TENM2: variants seen among roughly 807,000 people sequenced by gnomAD.
TENM2 encodes teneurin-2.
A neutral mutation model predicts 245.2 loss-of-function variants in TENM2; 52 were observed. The observed-to-expected ratio is 0.21, with a 90% CI of 0.17 to 0.27. TENM2 has a LOEUF of 0.27. TENM2 is among the 10% of genes least tolerant of loss of function. The pLI is 1.00. For missense variants in TENM2, 3,046 were observed against 3,666.8 expected (o/e 0.83, Z 4.37); for synonymous variants, 1,363 against 1,438.9 (o/e 0.95, Z 1.19).
intron 1 of TENM2, among the ~76,000 whole-genome samples, chr5:167,314,177 T>C (rs1052450795): frequency 2.6e-5 from 4 of 152,354 alleles, no homozygotes; most frequent in Non-Finnish European, 5.9e-5. Context: ...ATCTCTTTTT[T>C]AGGTTTTTCC....
intron 2 of TENM2, among the ~76,000 whole-genome samples, chr5:167,682,727 T>C (rs1005481272): frequency 4.6e-5 from 7 of 152,102 alleles, no homozygotes; most frequent in African/African-American, 7.2e-5. Context: ...CTGCGTGGCT[T>C]GGTTCCCAAC....
intron 2 of TENM2, among the ~76,000 whole-genome samples, chr5:167,551,509 C>T (rs887215754): frequency 2.0e-5 from 3 of 152,142 alleles, no homozygotes; most frequent in African/African-American, 7.2e-5. Context: ...ACACTAAACT[C>T]ATGAGCAAAT....
intron 8 of TENM2, among the ~76,000 whole-genome samples, chr5:168,091,485 A>T (rs1176699429): frequency 6.6e-6 from 1 of 152,218 alleles, no homozygotes; most frequent in Non-Finnish European, 1.5e-5. Flanking sequence ...AAGTTTTTCT[A>T]CCACAAACCT....
the TENM2 span, among the ~76,000 whole-genome samples, chr5:167,206,972 A>T: frequency 1.3e-5 from 2 of 152,188 alleles, no homozygotes; most frequent in African/African-American, 4.8e-5. Flanking sequence ...GATTTAAAAT[A>T]AGACAATTTC....
intron 2 of TENM2, among the ~76,000 whole-genome samples, chr5:167,594,977 A>C (rs1776105295): frequency 6.6e-6 from 1 of 152,206 alleles, no homozygotes. Flanking sequence ...AATGTTTCCA[A>C]ATCTTCTAAT....
chr5:167,215,675 G>A, the TENM2 span, among the ~76,000 whole-genome samples: 1 of 152,186 alleles, frequency 6.6e-6, no homozygotes, highest in Admixed American at 6.5e-5. Context: ...AAGGAATAGA[G>A]ACCTGAAGAG....
At chr5:167,434,908 T>C (rs910235287) in intron 2 of TENM2, among the ~76,000 whole-genome samples, 4 of 152,210 alleles carry the variant, frequency 2.6e-5, no homozygotes, top group African/African-American at 9.6e-5. Context: ...CAGATGTAGA[T>C]TAGTTATTGA....
At chr5:167,341,387 T>C (rs915858563) in intron 1 of TENM2, among the ~76,000 whole-genome samples, 11 of 152,210 alleles carry the variant, frequency 7.2e-5, no homozygotes, top group Non-Finnish European at 1.5e-4. Flanking sequence ...ACAGGCAAAG[T>C]TTATCCATAG....
chr5:167,268,973 A>G, the TENM2 span, among the ~76,000 whole-genome samples: 1 of 151,944 alleles, frequency 6.6e-6, no homozygotes, highest in Non-Finnish European at 1.5e-5. Flanking sequence ...TTGATTTCAC[A>G]TTGTTTCAGG....
At chr5:167,798,761 G>C (rs1240791771) in intron 2 of TENM2, among the ~76,000 whole-genome samples, 1 of 152,166 alleles carries the variant, frequency 6.6e-6, no homozygotes, top group African/African-American at 2.4e-5. Context: ...GTCCTCAGAG[G>C]CTCTGTGTTT....
chr5:167,983,003 T>C (rs1782957320), intron 4 of TENM2, among the ~76,000 whole-genome samples: 1 of 152,148 alleles, frequency 6.6e-6, no homozygotes. Flanking sequence ...AACACAAATT[T>C]AAGTCCATTC....
intron 4 of TENM2, chr5:167,953,610 C>G (rs1780293090): frequency 6.6e-6 from 1 of 152,428 alleles, no homozygotes; most frequent in Non-Finnish European, 1.5e-5. Context: ...CCTTGCTGCT[C>G]TATCCCCAGG....
intron 2 of TENM2, among the ~76,000 whole-genome samples, chr5:167,639,686 A>C (rs2150243347): frequency 6.6e-6 from 1 of 152,180 alleles, no homozygotes; most frequent in Admixed American, 6.5e-5. Flanking sequence ...GCTGCAATAG[A>C]GCTTTAGCCA....
chr5:168,077,214 C>T (rs559698272), intron 7 of TENM2, among the ~76,000 whole-genome samples: 3 of 152,292 alleles, frequency 2.0e-5, no homozygotes, highest in Middle Eastern at 3.4e-3. Flanking sequence ...ACAGTGTTCA[C>T]TAAAATTTCC....
At chr5:167,591,607 G>T (rs920635055) in intron 2 of TENM2, among the ~76,000 whole-genome samples, 1 of 152,096 alleles carries the variant, frequency 6.6e-6, no homozygotes, top group Non-Finnish European at 1.5e-5. Flanking sequence ...TGAAGTAGGC[G>T]GCAGTATTAT....
chr5:168,198,842 TCC>T lies in TENM2; in HGVS notation c.2901-9_2901-8del. Reference sequence around the variant, plus strand: ...TCTACCCCCTCATCAGCTCATTTACTCCCTCTCCAGGTTCGACCTGATCGCAA... The same window carrying T: ...TCTACCCCCTCATCAGCTCATTTACTCTCTCCAGGTTCGACCTGATCGCAA... On this transcript the variant is annotated splice_polypyrimidine_tract_variant and intron_variant, in intron 15 of 28. Coordinates refer to ENST00000518659, the Ensembl canonical transcript of TENM2. The T allele has an allele frequency of 1.2e-6, 2 of 1,611,578 alleles. No individual in the cohort carries two copies. The highest frequency in any genetic ancestry group is 1.7e-6 in the Non-Finnish European group (2 of 1,177,890).
At chr5:168,003,544 G>T (rs1215246471) in intron 5 of TENM2, among the ~76,000 whole-genome samples, 1 of 152,094 alleles carries the variant, frequency 6.6e-6, no homozygotes. Context: ...ACAGTTAAAG[G>T]ACACAAATAG....
chr5:167,108,823 T>G, the TENM2 span, among the ~76,000 whole-genome samples: 3 of 152,180 alleles, frequency 2.0e-5, no homozygotes, highest in African/African-American at 7.2e-5. Flanking sequence ...TAATATGACT[T>G]TTTTTCAGTG....
chr5:167,952,801 G>A (rs774385916), exon 4 of TENM2: 1 of 1,560,254 alleles, frequency 6.4e-7, no homozygotes, highest in South Asian at 1.2e-5. Context: ...GTGCTAAACA[G>A]CAACGTGCCA....
Sources: gnomAD v4.1 joint callset for allele counts (sites outside exome capture counted in the v4.1 genomes callset) on GRCh38, gnomAD v4.1.1 for gene constraint, MANE v1.5 for transcripts, NCBI Gene and HGNC (gene_info 2026-07-23, HGNC 2026-07-21) for gene names.